PCM1: variants seen among roughly 807,000 people sequenced by gnomAD.
PCM1 encodes pericentriolar material 1 protein.
Under a neutral mutation model 241.9 loss-of-function variants are expected in PCM1, and 157 were observed. The observed-to-expected ratio is 0.65, with a 90% confidence interval of 0.57 to 0.74. PCM1 has a LOEUF of 0.74. Among genes scored for constraint, PCM1 ranks in the 30% least tolerant of loss-of-function variants. PCM1 has a pLI of 0.00. For missense variants in PCM1, 3,478 were observed against 2,360.1 expected, an observed-to-expected ratio of 1.47 and a Z score of -9.81; for synonymous variants, 1,085 against 784.9, an observed-to-expected ratio of 1.38 and a Z score of -6.39.
intron 34 of PCM1, among the ~76,000 whole-genome samples, chr8:18,013,430 TATA>T (rs1395435205): frequency 2.0e-5 from 3 of 152,176 alleles, no homozygotes; most frequent in African/African-American, 7.2e-5. Context: ...TTCTCTAAAA[TATA>T]ATCTGCCATT....
chr8:17,952,224 A>AAAATAAATAAAT (rs148620624), intron 8 of PCM1, among the ~76,000 whole-genome samples: 3,138 of 147,058 alleles, frequency 0.021, 59 homozygotes, highest in African/African-American at 0.044. Flanking sequence ...CTTTGTCTCA[A>AAAATAAATAAAT]AAATAAATAA....
intron 36 of PCM1, among the ~76,000 whole-genome samples, chr8:18,023,286 A>C (rs1279124822): frequency 6.6e-6 from 1 of 152,226 alleles, no homozygotes; most frequent in Non-Finnish European, 1.5e-5. Context: ...TTGTACATGA[A>C]GTGATCCCTT....
At chr8:17,944,412 C>T (rs2063144410) in intron 6 of PCM1, among the ~76,000 whole-genome samples, 1 of 152,052 alleles carries the variant, frequency 6.6e-6, no homozygotes, top group African/African-American at 2.4e-5. Flanking sequence ...CTGAAGCTGT[C>T]AAAATACATT....
rs1380761790 is a variant in PCM1 at position 17,985,559 on chromosome 8, C to T, written c.4221C>T (p.Phe1407=). The T allele has an allele frequency of 6.2e-7, 1 of 1,604,740 alleles. No homozygotes were observed. The part of the protein sequence containing the change: ...ESRPHFLIEL[F]HELQLLNTDY... ...GTCCACATTTTCTTATTGAACTCTT[C>T]CATGAGCTGCAGCTACTAAACACAG... The change falls in exon 25 of 39, where the codon TTC becomes TTT. Residue 1407 remains phenylalanine (F), a synonymous_variant. Transcript: ENST00000325083.
chr8:18,001,246 C>G (rs1446127013), intron 29 of PCM1, among the ~76,000 whole-genome samples: 1 of 152,028 alleles, frequency 6.6e-6, no homozygotes, highest in African/African-American at 2.4e-5. Flanking sequence ...TTTTTCAGTC[C>G]CTGTTGTTAA....
intron 23 of PCM1, among the ~76,000 whole-genome samples, chr8:17,978,384 G>A (rs117953788): frequency 2.2e-3 from 336 of 152,200 alleles, no homozygotes; most frequent in Non-Finnish European, 3.1e-3. Flanking sequence ...CTAGCCAGGA[G>A]AGAAGTGAGG....
chr8:17,965,491 G>A (rs1587082925), intron 18 of PCM1, among the ~76,000 whole-genome samples: 2 of 152,204 alleles, frequency 1.3e-5, no homozygotes. Context: ...TGTTGTTCCA[G>A]TAGATCCAGG....
Position 17,966,113 on chromosome 8 carries a change from C to G in PCM1, c.2970C>G (p.Leu990=), listed in dbSNP as rs776637926. The G allele has an allele frequency of 4.3e-6, 7 of 1,613,726 alleles. No homozygotes were observed. In the Admixed American group the frequency reaches 6.7e-5, roughly 15 times the overall value. The change falls in exon 19 of 39, where the codon CTC becomes CTG. Residue 990 remains leucine, a synonymous_variant. Transcript: ENST00000325083. Reference sequence around the variant, plus strand: ...AAAACCTTCGTTGGGTGTCAGAGCTCTCTTACGTAGAAGAGAAAGAACAAT... The same window carrying G: ...AAAACCTTCGTTGGGTGTCAGAGCTGTCTTACGTAGAAGAGAAAGAACAAT... The part of the protein sequence containing the change: ...RQENLRWVSE[L]SYVEEKEQWQ...
intron 30 of PCM1, among the ~76,000 whole-genome samples, chr8:18,006,806 A>G (rs2091459928): frequency 6.6e-6 from 1 of 152,212 alleles, no homozygotes. Flanking sequence ...AGGGTGTACC[A>G]GTACGCTTAA....
intron 3 of PCM1, among the ~76,000 whole-genome samples, chr8:17,936,275 T>A (rs1175132389): frequency 6.6e-6 from 1 of 152,144 alleles, no homozygotes; most frequent in Non-Finnish European, 1.5e-5. Flanking sequence ...GTGTAAGTAG[T>A]GTAACAGGTT....
intron 18 of PCM1, 88 bp from the exon 19 acceptor site, chr8:17,965,911 C>T: frequency 1.2e-6 from 1 of 802,630 alleles, no homozygotes; most frequent in Non-Finnish European, 2.0e-6. Context: ...GAATATTGGC[C>T]CATAGGCCTG....
chr8:17,972,487 G>A lies in PCM1; in HGVS notation c.3743G>A (p.Gly1248Glu). 1 of 1,613,884 alleles carries A rather than the reference G, an allele frequency of 6.2e-7. No homozygotes were observed. The highest frequency in any genetic ancestry group is 8.5e-7 in the Non-Finnish European group (1 of 1,179,818). Reference protein sequence around the residue: ...SNRKNQLDTNGRRRQFDEESL... With the variant: ...SNRKNQLDTNERRRQFDEESL... ...CGCAAAAATCAATTAGATACAAACG[G>A]AAGAAGACGCCAGTTTGATGAAGAA... Residue 1248 changes from glycine (G) to glutamate (E), a missense_variant, in exon 23 of 39, where the codon GGA becomes GAA. By Grantham distance (98) the Gly-to-Glu change is moderately conservative. Transcript: ENST00000325083.
chr8:17,957,446 A>G (rs373005334), intron 12 of PCM1, 25 bp downstream of exon 12: 3 of 1,609,486 alleles, frequency 1.9e-6, no homozygotes, highest in African/African-American at 2.7e-5. Context: ...ATTTACATAT[A>G]ATTTTGCTGT....
At chr8:17,944,482 G>A (rs1368846599) in intron 6 of PCM1, among the ~76,000 whole-genome samples, 1 of 152,076 alleles carries the variant, frequency 6.6e-6, no homozygotes, top group African/African-American at 2.4e-5. Flanking sequence ...AAGATTGAGG[G>A]TTCTCTGAAA....
chr8:17,942,324 G>C (rs2062347495), intron 6 of PCM1, among the ~76,000 whole-genome samples: 1 of 152,062 alleles, frequency 6.6e-6, no homozygotes, highest in Non-Finnish European at 1.5e-5. Flanking sequence ...AAAATTAGCT[G>C]GGCACGGTGG....
chr8:17,988,273 A>G (rs1255979006), intron 26 of PCM1, among the ~76,000 whole-genome samples: 1 of 151,904 alleles, frequency 6.6e-6, no homozygotes, highest in Non-Finnish European at 1.5e-5. Context: ...ATCAGGGACA[A>G]ATGTTTGATT....
chr8:17,941,527 T>TTTG lies in PCM1; in HGVS notation c.783+1668_783+1669insGTT, dbSNP rs1218696917. ...GGAGGGGGATGTGGATTGATTTTTGTTTTTTTTTTTTTTTAAAAAAAAGGT... is the reference window on the plus strand; with the variant it reads ...GGAGGGGGATGTGGATTGATTTTTGTTTGTTTTTTTTTTTTTTAAAAAAAAGGT... On this transcript the variant is annotated intron_variant, in intron 6 of 38. Coordinates refer to ENST00000325083, the MANE Select transcript of PCM1 (RefSeq NM_006197.4). Among the ~76,000 whole-genome samples, 236 of 146,718 alleles carry TTTG rather than the reference T, an allele frequency of 1.6e-3. 1 individual carries two copies. The highest frequency in any genetic ancestry group is 3.4e-3 in the Middle Eastern group (1 of 294).
chr8:17,934,418 C>G lies in PCM1; in HGVS notation c.-22-1171C>G, dbSNP rs529518754. On this transcript the variant is annotated intron_variant, in intron 2 of 38. Transcript: ENST00000325083. ...CTGGGATTACAGGCACCTGCCACCA[C>G]ACCCGGCTAATTTTGTATTTTTAGT... is the stretch of plus-strand genomic sequence containing the variant. Among the ~76,000 whole-genome samples, 7 of 152,132 alleles carry G rather than the reference C, an allele frequency of 4.6e-5. No individual in the cohort carries two copies. In the South Asian group the frequency reaches 1.5e-3, roughly 32 times the overall value.
chr8:17,947,088 A>G (rs2064110484), intron 6 of PCM1, 98 bp from the exon 7 acceptor site: 2 of 662,058 alleles, frequency 3.0e-6, no homozygotes. Flanking sequence ...TGTATATTTA[A>G]TAATTTGTTA....
Sources: gnomAD v4.1 joint callset for allele counts (sites outside exome capture counted in the v4.1 genomes callset) on GRCh38, gnomAD v4.1.1 for gene constraint, MANE v1.5 for transcripts, NCBI Gene and HGNC (gene_info 2026-07-23, HGNC 2026-07-21) for gene names.